Variants in COL13A1 observed in about 807,000 individuals in gnomAD.
COL13A1 encodes collagen alpha-1(XIII) chain.
A neutral mutation model predicts 130.9 loss-of-function variants in COL13A1; 89 were observed. The ratio of observed to expected loss-of-function variants is 0.68; its 90% CI spans 0.57 to 0.81. The LOEUF (loss-of-function observed/expected upper bound fraction) is 0.81, where lower values mean the gene tolerates loss of function less well. COL13A1 is among the 30% of genes least tolerant of loss of function. The pLI is 0.00. For missense variants in COL13A1, 879 were observed against 934.6 expected, an observed-to-expected ratio of 0.94 and a Z score of 0.78; for synonymous variants, 402 against 341.6, an observed-to-expected ratio of 1.18 and a Z score of -1.95.
intron 3 of COL13A1, among the ~76,000 whole-genome samples, chr10:69,869,033 G>C (rs576200728): frequency 2.6e-5 from 4 of 152,066 alleles, no homozygotes; most frequent in Non-Finnish European, 4.4e-5. Flanking sequence ...CTCACCCCCA[G>C]GGGCAGGATG....
intron 4 of COL13A1, 92 bp from the exon 5 acceptor site, chr10:69,875,036 C>T (rs2134156151): frequency 6.5e-7 from 1 of 1,530,356 alleles, no homozygotes; most frequent in East Asian, 2.3e-5. Flanking sequence ...TTAGCTGTGC[C>T]CTAAATCAGG....
At chr10:69,931,080 C>T (rs2135845967) in intron 30 of COL13A1, 1 of 436,126 alleles carries the variant, frequency 2.3e-6, no homozygotes, top group Non-Finnish European at 4.7e-6. Flanking sequence ...AAGGGAGCCA[C>T]ATCCTGTGCA....
chr10:69,857,053 C>T (rs1159087543), intron 2 of COL13A1, among the ~76,000 whole-genome samples: 1 of 152,190 alleles, frequency 6.6e-6, no homozygotes, highest in African/African-American at 2.4e-5. Context: ...CCCTCTGACC[C>T]GTGCTGGAGG....
At chr10:69,924,940 G>A (rs773503616) in intron 24 of COL13A1, 23 bp from the exon 25 acceptor site, 1 of 1,572,636 alleles carries the variant, frequency 6.4e-7, no homozygotes, top group Non-Finnish European at 8.6e-7. Context: ...TCCCCACTTT[G>A]CTCCAATTTT....
chr10:69,946,328 C>T (rs2068529098), intron 37 of COL13A1, among the ~76,000 whole-genome samples: 1 of 152,216 alleles, frequency 6.6e-6, no homozygotes, highest in East Asian at 1.9e-4. Flanking sequence ...GCCATGGCCC[C>T]TGCCCTCAGA....
intron 3 of COL13A1, among the ~76,000 whole-genome samples, chr10:69,869,318 G>A (rs890855563): frequency 1.2e-4 from 18 of 145,600 alleles, no homozygotes; most frequent in Non-Finnish European, 3.1e-5. Context: ...CAGAAGAGGA[G>A]CCCTGAACCT....
chr10:69,899,131 G>A (rs1487013179), intron 14 of COL13A1, among the ~76,000 whole-genome samples: 1 of 152,288 alleles, frequency 6.6e-6, no homozygotes. Context: ...AGTTGCCAAG[G>A]TCACACAGCC....
chr10:69,911,455 C>A (rs1463359499), intron 17 of COL13A1, among the ~76,000 whole-genome samples: 1 of 152,186 alleles, frequency 6.6e-6, no homozygotes, highest in Non-Finnish European at 1.5e-5. Context: ...TTCACAGAGG[C>A]CATTTTCCCC....
At chr10:69,944,027 T>C (rs1489831806) in intron 35 of COL13A1, 98 bp from the exon 36 acceptor site, 2 of 966,496 alleles carry the variant, frequency 2.1e-6, no homozygotes, top group African/African-American at 3.2e-5. Context: ...CTCTGAAAAC[T>C]GGGCCTTGGA....
intron 38 of COL13A1, among the ~76,000 whole-genome samples, chr10:69,951,966 A>G (rs939181462): frequency 6.6e-6 from 1 of 152,270 alleles, no homozygotes; most frequent in Non-Finnish European, 1.5e-5. Context: ...AATTCATTAC[A>G]GAAGTGATGC....
At chr10:69,834,420 C>A (rs2133041401) in intron 2 of COL13A1, among the ~76,000 whole-genome samples, 1 of 152,302 alleles carries the variant, frequency 6.6e-6, no homozygotes, top group South Asian at 2.1e-4. Flanking sequence ...CAAGTTCTAG[C>A]TACCTACTAG....
At chr10:69,908,526 G>T (rs2063030672) in intron 17 of COL13A1, among the ~76,000 whole-genome samples, 1 of 152,186 alleles carries the variant, frequency 6.6e-6, no homozygotes, top group Non-Finnish European at 1.5e-5. Flanking sequence ...CCCTTGGCTG[G>T]CATCATACCA....
chr10:69,884,807 T>C (rs181597481), intron 7 of COL13A1, among the ~76,000 whole-genome samples: 9 of 152,284 alleles, frequency 5.9e-5, no homozygotes, highest in Non-Finnish European at 1.2e-4. Context: ...CAAAATGTAT[T>C]ACAAAAACAG....
In COL13A1 at chr10:69,802,583, TCGCTGGCACTCAGCCTGCTCG is replaced by T; in HGVS notation, c.162_182del (p.Leu55_Ala61del). The T allele has an allele frequency of 6.2e-7, 1 of 1,611,868 alleles. No homozygotes were observed. Among genetic ancestry groups the T allele is most frequent in the Non-Finnish European group, 8.5e-7 (1 of 1,179,090 alleles). On this transcript the variant is annotated inframe_deletion, in exon 1 of 41. Coordinates refer to ENST00000645393, the MANE Select transcript of COL13A1 (RefSeq NM_001368882.1). ...CGGGCTGCTGACGCTGGCCCTCTGC[TCGCTGGCACTCAGCCTGCTCG>T]CCCACTTTCGGACGGCCGAGCTGCA...
intron 2 of COL13A1, among the ~76,000 whole-genome samples, chr10:69,843,023 G>A (rs770494344): frequency 1.6e-4 from 25 of 152,190 alleles, no homozygotes; most frequent in African/African-American, 2.9e-4. Context: ...TATGTTCTCC[G>A]GCTGCTGAGC....
At chr10:69,938,964 G>A (rs1422687736) in intron 34 of COL13A1, among the ~76,000 whole-genome samples, 2 of 152,060 alleles carry the variant, frequency 1.3e-5, no homozygotes, top group Non-Finnish European at 2.9e-5. Context: ...ATGAACACTC[G>A]AGAATTCAGT....
At chr10:69,896,218 C>T (rs575743087) in intron 13 of COL13A1, among the ~76,000 whole-genome samples, 12 of 151,980 alleles carry the variant, frequency 7.9e-5, no homozygotes, top group South Asian at 6.3e-4. Context: ...TGCCCACCCC[C>T]GCCTGCTCCT....
chr10:69,921,001 T>C (rs2064591550), intron 21 of COL13A1, among the ~76,000 whole-genome samples: 1 of 152,150 alleles, frequency 6.6e-6, no homozygotes, highest in Non-Finnish European at 1.5e-5. Flanking sequence ...TGGAAGAAGC[T>C]GGGTAGGGAA....
At chr10:69,922,975 A>G (rs944830272) in intron 23 of COL13A1, among the ~76,000 whole-genome samples, 181 bp downstream of exon 23, 1 of 152,236 alleles carries the variant, frequency 6.6e-6, no homozygotes, top group Non-Finnish European at 1.5e-5. Context: ...GCTTGCAAGC[A>G]GATAACAGTT....
Sources: allele counts gnomAD v4.1 joint callset (sites outside exome capture counted in the v4.1 genomes callset), GRCh38; gene constraint gnomAD v4.1.1; transcripts MANE v1.5; gene names NCBI Gene and HGNC (gene_info 2026-07-23, HGNC 2026-07-21).